PRKCE: variants seen among roughly 807,000 people sequenced by gnomAD.
The protein encoded by PRKCE is protein kinase C epsilon, also known as protein kinase C epsilon type.
PRKCE carries 16 observed loss-of-function variants against 85.4 expected under a neutral mutation model. The ratio of observed to expected loss-of-function variants is 0.19; its 90% CI spans 0.13 to 0.28. The LOEUF is 0.28. Ranked by LOEUF, PRKCE falls within the 10% of genes least tolerant of loss-of-function variation. PRKCE has a pLI of 1.00. For synonymous variants in PRKCE, 388 were observed against 371.5 expected (o/e 1.04, Z -0.51); for missense variants, 573 against 975.2 (o/e 0.59, Z 5.49).
At chr2:45,698,197 G>T (rs768020196) in intron 1 of PRKCE, among the ~76,000 whole-genome samples, 4 of 152,148 alleles carry the variant, frequency 2.6e-5, no homozygotes, top group Middle Eastern at 3.2e-3. Flanking sequence ...GTTAGCATAG[G>T]GTTTTGCAAC....
At position 45,744,524 on chromosome 2, in the gene PRKCE, CTT is replaced by C. The variant is rs59521340; in HGVS notation, c.348+92080_348+92081del. On this transcript the variant is annotated intron_variant, in intron 1 of 14. Coordinates refer to ENST00000306156, the MANE Select transcript of PRKCE (RefSeq NM_005400.3). ...CTTTTCTTTCTTTCTTTCTTTCTTTCTTTTTCTTTCCTTCTTTCTTTCTTTCT... is the reference window on the plus strand; with the variant it reads ...CTTTTCTTTCTTTCTTTCTTTCTTTCTTTCTTTCCTTCTTTCTTTCTTTCT... Among the ~76,000 whole-genome samples the C allele has an allele frequency of 1.4e-3, 49 of 35,812 alleles. 1 individual carries two copies. The highest frequency in any genetic ancestry group is 3.6e-3 in the African/African-American group (43 of 11,952). The allele number at this position is 35,812 out of a possible 152,430, so 23.5% of individuals were successfully genotyped here.
chr2:46,046,846 G>A (rs1456699045), intron 10 of PRKCE, among the ~76,000 whole-genome samples: 5 of 152,084 alleles, frequency 3.3e-5, no homozygotes, highest in East Asian at 1.9e-4. Flanking sequence ...GATTCAAGAC[G>A]GACTTCACAT....
At chr2:46,099,896 C>G (rs1671049592) in intron 11 of PRKCE, among the ~76,000 whole-genome samples, 1 of 152,138 alleles carries the variant, frequency 6.6e-6, no homozygotes, top group Non-Finnish European at 1.5e-5. Flanking sequence ...TTTCACCTGT[C>G]TTTTTAGTCT....
rs567439508 is a variant in PRKCE at position 45,839,540 on chromosome 2, G to A, written c.349-3460G>A. On this transcript the variant is annotated intron_variant, in intron 1 of 14. Coordinates refer to ENST00000306156, the MANE Select transcript of PRKCE (RefSeq NM_005400.3). ...AGAAGAGGCTCAGAACTAACCCTGG[G>A]AATGGCTGGGAGGAGGTAGCGAGTC... Among the ~76,000 whole-genome samples, 11 of 152,346 alleles carry A rather than the reference G, an allele frequency of 7.2e-5. No homozygotes were observed. In the South Asian group the frequency reaches 1.4e-3, roughly 20 times the overall value.
intron 1 of PRKCE, among the ~76,000 whole-genome samples, chr2:45,729,807 C>T (rs565576733): frequency 1.1e-4 from 16 of 152,212 alleles, no homozygotes; most frequent in Admixed American, 5.9e-4. Context: ...CATCCTTGAC[C>T]GGAGGAAGAA....
chr2:46,150,989 C>A, intron 12 of PRKCE, 52 bp from the exon 13 acceptor site: 1 of 1,529,468 alleles, frequency 6.5e-7, no homozygotes, highest in South Asian at 1.2e-5. Context: ...GCACGGGTGT[C>A]ACTGGGGTGG....
chr2:46,107,793 T>A (rs578200675), intron 11 of PRKCE, among the ~76,000 whole-genome samples: 1 of 152,252 alleles, frequency 6.6e-6, no homozygotes, highest in Non-Finnish European at 1.5e-5. Flanking sequence ...AATTTGCAAT[T>A]CACTAATGAT....
chr2:46,024,002 T>C (rs1464195266), intron 10 of PRKCE, among the ~76,000 whole-genome samples: 1 of 152,216 alleles, frequency 6.6e-6, no homozygotes, highest in Non-Finnish European at 1.5e-5. Flanking sequence ...AGAGGGATCA[T>C]ACAGCTGGAA....
At chr2:45,877,965 G>T (rs990794979) in intron 2 of PRKCE, among the ~76,000 whole-genome samples, 4 of 152,214 alleles carry the variant, frequency 2.6e-5, no homozygotes, top group African/African-American at 9.6e-5. Flanking sequence ...CATTCATCAT[G>T]ATTGCATCCT....
chr2:45,672,065 A>G (rs1284667285), intron 1 of PRKCE, among the ~76,000 whole-genome samples: 37 of 22,638 alleles, frequency 1.6e-3, no homozygotes, highest in African/African-American at 4.7e-3. Flanking sequence ...CCCCTGTCTC[A>G]AAAAAAAAAA....
chr2:45,904,123 C>T (rs564945894), intron 2 of PRKCE, among the ~76,000 whole-genome samples: 2 of 151,948 alleles, frequency 1.3e-5, no homozygotes, highest in Middle Eastern at 3.2e-3. Flanking sequence ...AGGCTGGTCT[C>T]GAACTCTTGA....
intron 1 of PRKCE, among the ~76,000 whole-genome samples, chr2:45,835,117 G>A (rs146564635): frequency 1.1e-4 from 16 of 152,308 alleles, no homozygotes; most frequent in African/African-American, 3.6e-4. Flanking sequence ...TCACAGATGT[G>A]CTGTTGAAAA....
chr2:45,658,644 T>G (rs1437016170), intron 1 of PRKCE, among the ~76,000 whole-genome samples: 1 of 152,228 alleles, frequency 6.6e-6, no homozygotes, highest in East Asian at 1.9e-4. Flanking sequence ...GAGAATTAAA[T>G]AAGGAACTAT....
At chr2:46,011,245 G>A (rs1409190897) in intron 10 of PRKCE, among the ~76,000 whole-genome samples, 2 of 152,116 alleles carry the variant, frequency 1.3e-5, no homozygotes, top group African/African-American at 2.4e-5. Context: ...TCTTGAGAAG[G>A]CAAAGACAGA....
intron 2 of PRKCE, among the ~76,000 whole-genome samples, chr2:45,915,696 G>T (rs1697715587): frequency 6.6e-6 from 1 of 152,194 alleles, no homozygotes; most frequent in Non-Finnish European, 1.5e-5. Flanking sequence ...CGTGGTGCTG[G>T]TGGAGCTCAG....
chr2:45,780,228 C>A (rs1160248449), intron 1 of PRKCE, among the ~76,000 whole-genome samples: 1 of 152,234 alleles, frequency 6.6e-6, no homozygotes, highest in Non-Finnish European at 1.5e-5. Context: ...AAGGTCTATA[C>A]GTTGCATTTG....
intron 2 of PRKCE, among the ~76,000 whole-genome samples, chr2:45,920,087 C>G (rs983819266): frequency 6.6e-6 from 1 of 152,230 alleles, no homozygotes; most frequent in African/African-American, 2.4e-5. Flanking sequence ...ACCCATCACC[C>G]TAGATCTCCA....
At chr2:45,835,125 A>G (rs1690750780) in intron 1 of PRKCE, among the ~76,000 whole-genome samples, 1 of 152,234 alleles carries the variant, frequency 6.6e-6, no homozygotes. Flanking sequence ...GTGCTGTTGA[A>G]AAACTCTGAA....
At position 45,949,991 on chromosome 2, in the gene PRKCE, C is replaced by T. The variant is rs114634451; in HGVS notation, c.413-26438C>T. Among the ~76,000 whole-genome samples the T allele has an allele frequency of 8.3e-3, 1,254 of 151,394 alleles. 22 individuals carry two copies. The highest frequency in any genetic ancestry group is 0.029 in the African/African-American group (1,186 of 41,212). On this transcript the variant is annotated intron_variant, in intron 2 of 14. Coordinates refer to ENST00000306156, the MANE Select transcript of PRKCE (RefSeq NM_005400.3). ...TCTGTGAATTTTAGGATTAGCTTTT[C>T]AATTTCTGTGAGAAACCTAGTAGGA...
Sources: gnomAD v4.1 joint callset for allele counts (sites outside exome capture counted in the v4.1 genomes callset) on GRCh38, gnomAD v4.1.1 for gene constraint, MANE v1.5 for transcripts, NCBI Gene and HGNC (gene_info 2026-07-23, HGNC 2026-07-21) for gene names.